The following ERC1 variants were observed in gnomAD, a reference collection of about 807,000 sequenced individuals.
ERC1 encodes the protein RAB6 interacting protein 2.
A neutral mutation model predicts 132.0 loss-of-function variants in ERC1; 56 were observed. The observed-to-expected ratio is 0.42, with a 90% confidence interval of 0.34 to 0.53. ERC1 has a LOEUF of 0.53. ERC1 is among the 20% of genes least tolerant of loss of function. The probability of loss-of-function intolerance (pLI) is 0.03; values close to 1 mark genes in which losing one functional copy is unlikely to be tolerated. For missense variants in ERC1, 1,202 were observed against 1,349.9 expected (o/e 0.89, Z 1.72); for synonymous variants, 478 against 476.1 (o/e 1.00, Z -0.05).
In ERC1 at chr12:1,220,395, A is replaced by T. The variant is rs561368477; in HGVS notation, c.2352-16374A>T. 6.6e-5 allele frequency among the ~76,000 whole-genome samples: 10 copies of T among 152,300 alleles called. No homozygotes were observed. In the East Asian group the frequency reaches 1.9e-3, roughly 29 times the overall value. On this transcript the variant is annotated intron_variant, in intron 12 of 18. Coordinates refer to ENST00000360905, the MANE Select transcript of ERC1 (RefSeq NM_178040.4). ...CATTCAGTAAATATTTGCTGAATAGATGTGCGAGGGCTGGCTCTTTTCTGA... is the reference window on the plus strand; with the variant it reads ...CATTCAGTAAATATTTGCTGAATAGTTGTGCGAGGGCTGGCTCTTTTCTGA...
rs139857384 is a variant in ERC1 at position 1,491,938 on chromosome 12, G to A, written c.*1708G>A. 3.3e-3 allele frequency: 776 copies of A among 232,640 alleles called. 6 individuals carry two copies. The highest frequency in any genetic ancestry group is 0.016 in the African/African-American group (714 of 45,398). The allele number at this position is 232,640 out of a possible 1,614,324, so 14.4% of individuals were successfully genotyped here. A position where few individuals can be genotyped will look rare whatever the true frequency, so the allele number is the denominator to read the frequency against. On this transcript the variant is annotated 3_prime_UTR_variant, in exon 19 of 19. Coordinates refer to ENST00000360905, the MANE Select transcript of ERC1 (RefSeq NM_178040.4). Reference sequence around the variant, plus strand: ...TCTCCTGATAAGAGTTGCTGGACTCGATGTTTTTGTTTTGCATTTTCTCCT... The same window carrying A: ...TCTCCTGATAAGAGTTGCTGGACTCAATGTTTTTGTTTTGCATTTTCTCCT...
At chr12:1,201,668 G>A (rs536901816) in intron 12 of ERC1, among the ~76,000 whole-genome samples, 6 of 152,062 alleles carry the variant, frequency 3.9e-5, no homozygotes, top group Non-Finnish European at 7.4e-5. Flanking sequence ...GTAAACCTAG[G>A]TATTTAGTCT....
chr12:1,488,092 C>T (rs570675377), intron 18 of ERC1, among the ~76,000 whole-genome samples: 27 of 148,850 alleles, frequency 1.8e-4, no homozygotes, highest in Non-Finnish European at 2.8e-4. Flanking sequence ...GAGCTGAGAT[C>T]GCGCCACTGC....
chr12:1,305,410 A>G (rs905934377), intron 15 of ERC1, among the ~76,000 whole-genome samples: 3 of 152,132 alleles, frequency 2.0e-5, no homozygotes, highest in African/African-American at 7.2e-5. Context: ...GACTTTCTTT[A>G]ACTTTATGCA....
chr12:1,240,952 A>G (rs1361542960), intron 13 of ERC1, among the ~76,000 whole-genome samples: 1 of 152,154 alleles, frequency 6.6e-6, no homozygotes, highest in Non-Finnish European at 1.5e-5. Flanking sequence ...TCCAGAGTTC[A>G]GTAGCTTTAT....
chr12:1,082,484 A>AATT (rs1491550404), intron 2 of ERC1, among the ~76,000 whole-genome samples: 1 of 113,674 alleles, frequency 8.8e-6, no homozygotes, highest in Admixed American at 9.2e-5. Flanking sequence ...AAAAAAAAAA[A>AATT]TTTTTTTTTT....
chr12:1,428,335 G>A (rs2092698640), intron 17 of ERC1, among the ~76,000 whole-genome samples: 1 of 152,122 alleles, frequency 6.6e-6, no homozygotes, highest in African/African-American at 2.4e-5. Context: ...CTAAAGAAAA[G>A]TTGCATGTAT....
rs567392346 is a variant in ERC1, at chr12:1,172,761, T to G, written c.1738-7779T>G. On this transcript the variant is annotated intron_variant, in intron 8 of 18. Transcript: ENST00000360905. ...ATCCTTTTCTGTAACAATTATTTTA[T>G]TAATTTTCAATTTTAAAACTAATTT... Among the ~76,000 whole-genome samples the G allele has an allele frequency of 1.1e-4, 13 of 122,748 alleles. No homozygotes were observed. In the East Asian group the frequency reaches 2.0e-3, roughly 19 times the overall value. 80.5% of individuals were successfully genotyped at this position (122,748 alleles called of 152,430 possible). A position where few individuals can be genotyped will look rare whatever the true frequency, so the allele number is the denominator to read the frequency against.
At chr12:1,164,820 A>G (rs1416217821) in intron 8 of ERC1, among the ~76,000 whole-genome samples, 1 of 152,214 alleles carries the variant, frequency 6.6e-6, no homozygotes, top group East Asian at 1.9e-4. Context: ...TGGAAATCAA[A>G]GAGTGAGTTT....
intron 12 of ERC1, among the ~76,000 whole-genome samples, chr12:1,214,275 A>G (rs914925944): frequency 6.6e-6 from 1 of 152,202 alleles, no homozygotes; most frequent in African/African-American, 2.4e-5. Context: ...TACTAGTTCT[A>G]GGATGTTTAA....
chr12:1,018,094 T>C (rs907683870), intron 1 of ERC1, among the ~76,000 whole-genome samples: 1 of 152,232 alleles, frequency 6.6e-6, no homozygotes, highest in African/African-American at 2.4e-5. Flanking sequence ...AAGAACAGTT[T>C]TTTAAAAAAT....
At chr12:1,197,976 A>G (rs1332476291) in intron 12 of ERC1, among the ~76,000 whole-genome samples, 1 of 151,018 alleles carries the variant, frequency 6.6e-6, no homozygotes, top group East Asian at 1.9e-4. Flanking sequence ...TCCAGGGTGG[A>G]GTGCAGTGGC....
At chr12:1,313,881 G>A (rs1388111777) in intron 15 of ERC1, among the ~76,000 whole-genome samples, 1 of 152,118 alleles carries the variant, frequency 6.6e-6, no homozygotes, top group Admixed American at 6.5e-5. Flanking sequence ...CTACTCGGGA[G>A]GCTGAGGCAG....
intron 7 of ERC1, among the ~76,000 whole-genome samples, chr12:1,131,719 C>T (rs1351511557): frequency 1.3e-5 from 2 of 152,150 alleles, no homozygotes; most frequent in Non-Finnish European, 2.9e-5. Flanking sequence ...CCCCCTTGGC[C>T]TCCCAAAGTG....
chr12:1,372,264 T>A (rs1233770886), intron 16 of ERC1, among the ~76,000 whole-genome samples: 1 of 152,188 alleles, frequency 6.6e-6, no homozygotes, highest in Non-Finnish European at 1.5e-5. Flanking sequence ...AATTAGCCCA[T>A]TTGACATGAA....
chr12:1,131,181 G>A lies in ERC1; in HGVS notation c.1570-10439G>A, dbSNP rs1300151656. Among the ~76,000 whole-genome samples the A allele has an allele frequency of 2.0e-5, 3 of 152,128 alleles. No individual in the cohort carries two copies. The East Asian group carries it at 5.8e-4, about 29-fold the overall frequency. On this transcript the variant is annotated intron_variant, in intron 7 of 18. Coordinates refer to ENST00000360905, the MANE Select transcript of ERC1 (RefSeq NM_178040.4). ...TAGTTGGGGCCAGGAATAAAGATTT[G>A]GAAGCTGTGGAGGTGGTGGTGAAAG...
At chr12:1,419,667 TGTC>T (rs1421006604) in intron 17 of ERC1, among the ~76,000 whole-genome samples, 4 of 151,884 alleles carry the variant, frequency 2.6e-5, no homozygotes, top group Non-Finnish European at 4.4e-5. Flanking sequence ...AATGAGGAAT[TGTC>T]GTTTAGTGGA....
chr12:1,464,054 T>C (rs1275041671), intron 18 of ERC1, among the ~76,000 whole-genome samples: 2 of 152,068 alleles, frequency 1.3e-5, no homozygotes, highest in African/African-American at 4.8e-5. Flanking sequence ...AAAGAGGAAA[T>C]GGGAGTGTGA....
At chr12:1,391,325 T>C (rs962133505) in intron 16 of ERC1, 5 of 152,320 alleles carry the variant, frequency 3.3e-5, no homozygotes, top group African/African-American at 1.2e-4. Context: ...TGGAGGCTTC[T>C]TGTTACTCCT....
Sources: gnomAD v4.1 joint callset for allele counts (sites outside exome capture counted in the v4.1 genomes callset) on GRCh38, gnomAD v4.1.1 for gene constraint, MANE v1.5 for transcripts, NCBI Gene and HGNC (gene_info 2026-07-23, HGNC 2026-07-21) for gene names.